The following LYG2 variants were observed in gnomAD, a reference collection of about 807,000 sequenced individuals.
LYG2 encodes lysozyme g2, also known as lysozyme g-like protein 2.
LYG2 carries 25 observed loss-of-function variants against 22.4 expected under a neutral mutation model. That is an observed-to-expected ratio of 1.12 (90% CI 0.81 to 1.56). The LOEUF (loss-of-function observed/expected upper bound fraction) is 1.56. Ranked by LOEUF, LYG2 falls within the 40% of genes most tolerant of loss-of-function variation. The pLI, the probability that LYG2 is intolerant of heterozygous loss-of-function variation, is 0.00. For missense variants in LYG2, 266 were observed against 269.5 expected (o/e 0.99, Z 0.09); for synonymous variants, 88 against 97.0 (o/e 0.91, Z 0.55).
intron 3 of LYG2, among the ~76,000 whole-genome samples, chr2:99,250,307 G>A (rs755588284): frequency 7.3e-5 from 11 of 150,730 alleles, no homozygotes; most frequent in African/African-American, 2.0e-4. Flanking sequence ...TATAAAAGAC[G>A]TTAAACCACA....
Position 99,255,100 on chromosome 2 carries a change from G to C in LYG2, c.-106C>G, listed in dbSNP as rs2094033961. 6.6e-6 allele frequency: 1 copy of C among 152,176 alleles called. No individual in the cohort carries two copies. Among genetic ancestry groups the C allele is most frequent in the Non-Finnish European group, 1.5e-5 (1 of 68,038 alleles). The allele number at this position is 152,176 out of a possible 1,614,324, so 9.4% of individuals were successfully genotyped here. On this transcript the variant is annotated 5_prime_UTR_variant, in exon 2 of 7. Transcript: ENST00000333017. The stretch of plus-strand genomic sequence containing the variant: ...TACTCAGCAGCAAACTGCACTTCAA[G>C]CTTTTACAAAGCGACGGCCTTTGTC...
At chr2:99,246,524 G>C (rs2094016277) in intron 4 of LYG2, among the ~76,000 whole-genome samples, 156 bp downstream of exon 4, 1 of 152,214 alleles carries the variant, frequency 6.6e-6, no homozygotes, top group Admixed American at 6.5e-5. Context: ...GAAGCTGGTT[G>C]TTAGATTGGT....
At chr2:99,243,541 A>ATAC (rs2094010290) in intron 6 of LYG2, 18 of 1,029,692 alleles carry the variant, frequency 1.7e-5, no homozygotes, top group Non-Finnish European at 2.2e-5. Context: ...TAGATAGATA[A>ATAC]ATTTTTTTTT....
intron 3 of LYG2, among the ~76,000 whole-genome samples, chr2:99,251,141 GACTA>G (rs1210931023): frequency 2.9e-4 from 44 of 152,224 alleles, no homozygotes; most frequent in African/African-American, 2.4e-4. Flanking sequence ...ATAGGGGATA[GACTA>G]ACTATCTTTT....
Position 99,251,237 on chromosome 2 carries a change from AAAG to A in LYG2, c.43+2978_43+2980del, listed in dbSNP as rs538075757. On this transcript the variant is annotated intron_variant, in intron 3 of 6. Coordinates refer to ENST00000333017, the MANE Select transcript of LYG2 (RefSeq NM_175735.4). ...AAATGGGGAAAAATGGAATCATAAAAAAGAAGAACAAATGAACATAACTCTATA... is the reference window on the plus strand; with the variant it reads ...AAATGGGGAAAAATGGAATCATAAAAAAGAACAAATGAACATAACTCTATA... 3.3e-3 allele frequency among the ~76,000 whole-genome samples: 506 copies of A among 152,354 alleles called. 2 individuals carry two copies. Among genetic ancestry groups the A allele is most frequent in the African/African-American group, 0.011 (471 of 41,584 alleles).
At position 99,251,834 on chromosome 2, in the gene LYG2, TA is replaced by T. The variant is rs1003317213; in HGVS notation, c.43+2383del. ...TGGTCCTTATATGTTAGAGACACAT[TA>T]AAAAAAAAAATTTTTTTTTCCAGAT... is the stretch of plus-strand genomic sequence containing the variant. On this transcript the variant is annotated intron_variant, in intron 3 of 6. Coordinates refer to ENST00000333017, the MANE Select transcript of LYG2 (RefSeq NM_175735.4). Among the ~76,000 whole-genome samples, 68 of 148,748 alleles carry T rather than the reference TA, an allele frequency of 4.6e-4. 1 individual carries two copies. Among genetic ancestry groups the T allele is most frequent in the East Asian group, 1.2e-3 (6 of 5,100 alleles).
intron 6 of LYG2, chr2:99,243,410 A>C: frequency 6.5e-7 from 1 of 1,548,664 alleles, no homozygotes; most frequent in Non-Finnish European, 8.7e-7. Flanking sequence ...GAAAATACTC[A>C]CAGAGTAACA....
In LYG2 at chr2:99,242,286, A is replaced by C; in HGVS notation, c.*78T>G. On this transcript the variant is annotated 3_prime_UTR_variant, in exon 7 of 7. Transcript: ENST00000333017. Reference sequence around the variant, plus strand: ...TTAATCATTTCTTTGCCAGTGTTGTATACAACACATTCACGTAAAACTCTC... The same window carrying C: ...TTAATCATTTCTTTGCCAGTGTTGTCTACAACACATTCACGTAAAACTCTC... 1.4e-6 allele frequency: 1 copy of C among 715,314 alleles called. No individual in the cohort carries two copies. Among genetic ancestry groups the C allele is most frequent in the Non-Finnish European group, 2.4e-6 (1 of 415,048 alleles). 44.3% of individuals were successfully genotyped at this position (715,314 alleles called of 1,614,324 possible).
At chr2:99,245,135 G>A (rs2094013476) in intron 5 of LYG2, 127 bp downstream of exon 5, 1 of 1,008,530 alleles carries the variant, frequency 9.9e-7, no homozygotes, top group Non-Finnish European at 1.3e-6. Flanking sequence ...AAATTATGCT[G>A]GAGTACCTGT....
At chr2:99,253,219 A>G (rs1574865832) in intron 3 of LYG2, among the ~76,000 whole-genome samples, 2 of 152,090 alleles carry the variant, frequency 1.3e-5, no homozygotes, top group African/African-American at 4.8e-5. Flanking sequence ...ATGACCATGG[A>G]CCCTACGCTG....
chr2:99,247,875 A>G (rs1238103291), intron 3 of LYG2, among the ~76,000 whole-genome samples: 1 of 152,044 alleles, frequency 6.6e-6, no homozygotes, highest in Non-Finnish European at 1.5e-5. Flanking sequence ...GAACTCAAAC[A>G]AATTTACAAG....
rs948922836 is a variant in LYG2 at position 99,252,785 on chromosome 2, A to G, written c.43+1433T>C. The stretch of plus-strand genomic sequence containing the variant: ...CACTGGGCCGGGCGTGGTGGCTCAC[A>G]CCTATAATCCCAGCACTTTGGGAGG... On this transcript the variant is annotated intron_variant, in intron 3 of 6. Transcript: ENST00000333017. Among the ~76,000 whole-genome samples, 11 of 151,864 alleles carry G rather than the reference A, an allele frequency of 7.2e-5. No individual in the cohort carries two copies. In the East Asian group the frequency reaches 1.9e-3, roughly 27 times the overall value.
At chr2:99,257,750 T>A (rs916568867), upstream of LYG2, among the ~76,000 whole-genome samples, 3 of 151,796 alleles carry the variant, frequency 2.0e-5, no homozygotes, top group East Asian at 3.9e-4. Flanking sequence ...TTCTGGGGAG[T>A]CCTAACAGAT....
At chr2:99,258,349 C>T (rs2094040285), upstream of LYG2, among the ~76,000 whole-genome samples, 1 of 152,198 alleles carries the variant, frequency 6.6e-6, no homozygotes, top group African/African-American at 2.4e-5. Context: ...ATGCCAGTTA[C>T]TATCATGATG....
chr2:99,246,677 TA>T lies in LYG2; in HGVS notation c.184+2del. The T allele has an allele frequency of 6.2e-7, 1 of 1,609,810 alleles. No individual in the cohort carries two copies. The highest frequency in any genetic ancestry group is 8.5e-7 in the Non-Finnish European group (1 of 1,179,010). ...CCAGTCATTTGCTCTGCTTTTCACTTACCGCAGTTCATCACACTGTTTGCAT... is the reference window on the plus strand; with the variant it reads ...CCAGTCATTTGCTCTGCTTTTCACTTCCGCAGTTCATCACACTGTTTGCAT... On this transcript the variant is annotated splice_donor_variant, in intron 4 of 6. Transcript: ENST00000333017. LOFTEE classifies it high-confidence loss of function.
chr2:99,246,627 A>C lies in LYG2; in HGVS notation c.184+53T>G. 2.5e-6 allele frequency: 4 copies of C among 1,582,832 alleles called. No homozygotes were observed. The South Asian group carries it at 4.6e-5, about 18-fold the overall frequency. On this transcript the variant is annotated intron_variant, in intron 4 of 6. Coordinates refer to ENST00000333017, the MANE Select transcript of LYG2 (RefSeq NM_175735.4). ...AAATTAAGTGACTTCCTAAGAAAGA[A>C]TCTGAAAACGATGAAAGGGGGAAGC...
Position 99,242,473 on chromosome 2 carries a change from G to A in LYG2, c.530C>T (p.Ser177Leu). The A allele has an allele frequency of 6.2e-7, 1 of 1,605,374 alleles. No individual in the cohort carries two copies. The highest frequency in any genetic ancestry group is 1.1e-5 in the South Asian group (1 of 90,322). The change falls in exon 7 of 7, where the codon TCA becomes TTA. Residue 177 changes from serine (S) to leucine (L), a missense_variant. Transcript: ENST00000333017. ...SVAQHLKGGL[S>L]AFKSGIEAIA... ...CGCTTCAATTCCTGACTTAAAAGCT[G>A]AGAGACCACCTGAAATGAAACACAG...
At chr2:99,253,212 AC>A (rs1245632690) in intron 3 of LYG2, among the ~76,000 whole-genome samples, 1 of 152,172 alleles carries the variant, frequency 6.6e-6, no homozygotes, top group Non-Finnish European at 1.5e-5. Context: ...CTGGAATATG[AC>A]CATGGACCCT....
At chr2:99,244,705 T>C (rs2094012645) in intron 5 of LYG2, among the ~76,000 whole-genome samples, 2 of 152,232 alleles carry the variant, frequency 1.3e-5, no homozygotes, top group African/African-American at 4.8e-5. Flanking sequence ...TTACATATTA[T>C]TTATTGCAGA....
Sources: gnomAD v4.1 joint callset for allele counts (sites outside exome capture counted in the v4.1 genomes callset) on GRCh38, gnomAD v4.1.1 for gene constraint, MANE v1.5 for transcripts, NCBI Gene and HGNC (gene_info 2026-07-23, HGNC 2026-07-21) for gene names.